FAN1: variants seen among roughly 807,000 people sequenced by gnomAD.
FAN1 encodes FANCD2 and FANCI associated nuclease 1.
In FAN1, 91 loss-of-function variants were observed where a neutral mutation model predicts 104.9. The observed-to-expected ratio is 0.87, with a 90% CI of 0.73 to 1.03. The LOEUF is 1.03. Among genes scored for constraint, FAN1 ranks in the 50% least tolerant of loss-of-function variants. The probability of loss-of-function intolerance (pLI) is 0.00; values close to 1 mark genes in which losing one functional copy is unlikely to be tolerated. For synonymous variants in FAN1, 478 were observed against 457.6 expected (o/e 1.04, Z -0.57); for missense variants, 1,263 against 1,239.9 (o/e 1.02, Z -0.28).
chr15:30,918,189 A>C lies in FAN1; in HGVS notation c.1837A>C (p.Ser613Arg). ...IRYAAATHML[S>R]DISSAMANGN... ...ATATGCAGCAGCCACGCACATGCTG[A>C]GTGACATTTCTTCCGCAATGGCCAA... Residue 613 changes from serine (S) to arginine (R), a missense_variant, in exon 6 of 15, where the codon AGT becomes CGT. Ser to Arg is a moderately radical substitution (Grantham distance 110). Around this residue, in one of 2 missense-constraint regions of FAN1, gnomAD observed 581 missense variants for 668.8 expected, o/e 0.87. Transcript: ENST00000362065. 3 of 1,614,026 alleles carry C rather than the reference A, an allele frequency of 1.9e-6. No individual in the cohort carries two copies. Among genetic ancestry groups the C allele is most frequent in the Non-Finnish European group, 2.5e-6 (3 of 1,179,986 alleles).
Position 30,905,314 on chromosome 15 carries a change from AT to A in FAN1, c.652del (p.Cys218ValfsTer4), listed in dbSNP as rs771480956. 4 of 1,613,950 alleles carry A rather than the reference AT, an allele frequency of 2.5e-6. No homozygotes were observed. In the African/African-American group the frequency reaches 5.3e-5, roughly 22 times the overall value. On this transcript the variant is annotated frameshift_variant, in exon 2 of 15. Coordinates refer to ENST00000362065, the MANE Select transcript of FAN1 (RefSeq NM_014967.5). LOFTEE classifies it high-confidence loss of function. ...GTTCTCAAAAAGAAAACGTGTTTAA[AT>A]GTGATTCTCTAAAGGAAGAGTGCAT... Reference protein sequence around the residue: ...NSSQKENVFKCDSLKEECIPE... With the variant: ...NSSQKENVFKXDSLKEECIPE...
chr15:30,920,578 T>A lies in FAN1; in HGVS notation c.1977T>A (p.Cys659Ter). 6.2e-7 allele frequency: 1 copy of A among 1,612,322 alleles called. No individual in the cohort carries two copies. The highest frequency in any genetic ancestry group is 1.3e-5 in the African/African-American group (1 of 75,000). ...CHEDLPLFLR[C>*]FTVGWIYTRI... ...AAGATTTACCACTCTTCCTGCGGTG[T>A]TTCACTGTTGGGTGGATTTATACAA... Residue 659 changes from cysteine (C) to a stop codon, truncating the protein, a stop_gained, in exon 7 of 15, where the codon TGT (cysteine) becomes TGA (stop). Coordinates refer to ENST00000362065, the MANE Select transcript of FAN1 (RefSeq NM_014967.5). LOFTEE classifies it high-confidence loss of function.
chr15:30,929,292 C>G lies in FAN1; in HGVS notation c.2682C>G (p.Pro894=). The G allele has an allele frequency of 6.2e-7, 1 of 1,612,976 alleles. No individual in the cohort carries two copies. The highest frequency in any genetic ancestry group is 8.5e-7 in the Non-Finnish European group (1 of 1,179,584). ...GGCTGCAGCTGATTCATGATGCCCC[C>G]GAGGAGAGCCTGCGGGCCTGGGTGG... ...EARLQLIHDA[P]EESLRAWVAA... is the part of the protein sequence containing the mutation. Residue 894 remains proline (P), a synonymous_variant, in exon 12 of 15, where the codon CCC becomes CCG. Coordinates refer to ENST00000362065, the MANE Select transcript of FAN1 (RefSeq NM_014967.5).
At chr15:30,923,552 C>T (rs907210473) in intron 8 of FAN1, among the ~76,000 whole-genome samples, 1 of 152,146 alleles carries the variant, frequency 6.6e-6, no homozygotes, top group African/African-American at 2.4e-5. Flanking sequence ...TGATCTTTAC[C>T]TCAGTCTCCA....
intron 8 of FAN1, among the ~76,000 whole-genome samples, chr15:30,924,037 T>TG: frequency 6.6e-6 from 1 of 152,300 alleles, no homozygotes; most frequent in Non-Finnish European, 1.5e-5. Flanking sequence ...TCTCATCTAC[T>TG]TTTTGTGTCT....
intron 4 of FAN1, among the ~76,000 whole-genome samples, chr15:30,912,888 A>G (rs1025970286): frequency 5.9e-5 from 9 of 152,170 alleles, no homozygotes; most frequent in Admixed American, 4.6e-4. Context: ...AAACCCTGCT[A>G]TTGATGGTGT....
chr15:30,909,451 G>A (rs2140906515), intron 3 of FAN1, among the ~76,000 whole-genome samples: 1 of 152,328 alleles, frequency 6.6e-6, no homozygotes, highest in Admixed American at 6.5e-5. Context: ...GGGTCACCTG[G>A]GAACTTGATA....
intron 12 of FAN1, among the ~76,000 whole-genome samples, chr15:30,929,630 TTATACAA>T (rs1356197666): frequency 1.6e-5 from 2 of 122,954 alleles, no homozygotes; most frequent in South Asian, 2.2e-4. Context: ...ATATTATATA[TTATACAA>T]TATACAATAT....
chr15:30,922,474 ATTC>A, intron 8 of FAN1, 120 bp downstream of exon 8: 1 of 1,066,844 alleles, frequency 9.4e-7, no homozygotes, highest in Non-Finnish European at 1.4e-6. Context: ...TTTTGTTAAC[ATTC>A]TTCTTTTGTC....
chr15:30,940,111 A>AT (rs1432275944), intron 14 of FAN1: 2 of 985,218 alleles, frequency 2.0e-6, no homozygotes, highest in Non-Finnish European at 2.4e-6. Context: ...AAAATTTTCC[A>AT]TATCTTAGGA....
intron 11 of FAN1, 35 bp downstream of exon 11, chr15:30,928,691 T>C (rs1366530055): frequency 6.2e-7 from 1 of 1,613,048 alleles, no homozygotes; most frequent in South Asian, 1.1e-5. Flanking sequence ...AGTAGGTCCT[T>C]CTGCACACAT....
intron 11 of FAN1, chr15:30,928,913 C>G: frequency 1.9e-6 from 1 of 518,136 alleles, no homozygotes; most frequent in Non-Finnish European, 2.5e-6. Flanking sequence ...CAGCATCAGC[C>G]CTCCCGAGCA....
Position 30,911,227 on chromosome 15 carries a change from C to A in FAN1, c.1577+412C>A, listed in dbSNP as rs577833532. 5.0e-6 allele frequency: 5 copies of A among 992,788 alleles called. No homozygotes were observed. In the East Asian group the frequency reaches 4.4e-4, roughly 87 times the overall value. The allele number at this position is 992,788 out of a possible 1,614,324, so 61.5% of individuals were successfully genotyped here. A position where few individuals can be genotyped will look rare whatever the true frequency, so the allele number is the denominator to read the frequency against. On this transcript the variant is annotated intron_variant, in intron 4 of 14. Transcript: ENST00000362065. ...TCCTGAGTTTAAACGTAACAATTTA[C>A]CAAAAACTGTGAGTGGCTTCTTTTG...
chr15:30,908,259 G>C lies in FAN1; in HGVS notation c.1375+1G>C. 3 of 1,592,440 alleles carry C rather than the reference G, an allele frequency of 1.9e-6. No individual in the cohort carries two copies. Among genetic ancestry groups the C allele is most frequent in the Non-Finnish European group, 2.6e-6 (3 of 1,171,644 alleles). On this transcript the variant is annotated splice_donor_variant, in intron 3 of 14. Coordinates refer to ENST00000362065, the MANE Select transcript of FAN1 (RefSeq NM_014967.5). LOFTEE classifies it high-confidence loss of function. ...ACGAATGCAGGCTTTCTACAGACAG[G>C]TATGACTAGTAGAAGGAGATGTGAA...
At chr15:30,914,392 A>G (rs1275614151) in intron 5 of FAN1, among the ~76,000 whole-genome samples, 6 of 152,084 alleles carry the variant, frequency 3.9e-5, no homozygotes, top group Non-Finnish European at 7.4e-5. Context: ...TCTTAATTTG[A>G]GACAGGATTT....
Position 30,905,500 on chromosome 15 carries a change from A to G in FAN1, c.837A>G (p.Ser279=), listed in dbSNP as rs750964565. The G allele has an allele frequency of 3.5e-5, 56 of 1,614,010 alleles. No homozygotes were observed. The highest frequency in any genetic ancestry group is 4.4e-5 in the Non-Finnish European group (52 of 1,179,982). Residue 279 remains serine (S), a synonymous_variant, in exon 2 of 15, where the codon TCA becomes TCG. Transcript: ENST00000362065. The part of the protein sequence containing the change: ...FTLRNTLKST[S]EDSLVKQECI... The stretch of plus-strand genomic sequence containing the variant: ...TTAGGAATACATTAAAGTCTACTTC[A>G]GAAGACAGTCTTGTAAAGCAAGAGT...
rs1178636099 is a variant in FAN1, at chr15:30,932,714, TTC to T, written c.2916+2045_2916+2046del. ...TTAAAGTTGTTTATATTTGTTTCTT[TTC>T]TTTTTTTTTTTTTTTGAGATGGAGT... On this transcript the variant is annotated intron_variant, in intron 13 of 14. Transcript: ENST00000362065. 4.1e-5 allele frequency among the ~76,000 whole-genome samples: 4 copies of T among 97,250 alleles called. No individual in the cohort carries two copies. The East Asian group carries it at 3.1e-3, about 75-fold the overall frequency. The allele number at this position is 97,250 out of a possible 152,430, so 63.8% of individuals were successfully genotyped here.
chr15:30,942,606 C>T lies in FAN1; in HGVS notation c.*1044C>T, dbSNP rs1381999832. ...CAGGCGGCATTCCCTGCCACAGTGG[C>T]GGCTTGAATCATCAAGAAATGGATA... On this transcript the variant is annotated 3_prime_UTR_variant, in exon 15 of 15. Transcript: ENST00000362065. 3 of 391,466 alleles carry T rather than the reference C, an allele frequency of 7.7e-6. No homozygotes were observed. The highest frequency in any genetic ancestry group is 9.0e-6 in the Non-Finnish European group (2 of 221,892). The allele number at this position is 391,466 out of a possible 1,614,324, so 24.2% of individuals were successfully genotyped here.
rs139652225 is a variant in FAN1, at chr15:30,904,372, G to A, written c.-152-140G>A. On this transcript the variant is annotated intron_variant, in intron 1 of 14. Coordinates refer to ENST00000362065, the MANE Select transcript of FAN1 (RefSeq NM_014967.5). ...ACTAAGATCGCGTACAGAGCTTGTC[G>A]GAGGGGCTTGGTCTTCTGTCTCACG... 1,675 of 513,054 alleles carry A rather than the reference G, an allele frequency of 3.3e-3. 27 individuals are homozygous for A. The highest frequency in any genetic ancestry group is 0.028 in the African/African-American group (1,474 of 52,166). The allele number at this position is 513,054 out of a possible 1,614,324, so 31.8% of individuals were successfully genotyped here. A position where few individuals can be genotyped will look rare whatever the true frequency, so the allele number is the denominator to read the frequency against.
Sources: gnomAD v4.1 joint callset for allele counts (sites outside exome capture counted in the v4.1 genomes callset) on GRCh38, gnomAD v4.1.1 for gene constraint, gnomAD v4.1.1 regional missense constraint, MANE v1.5 for transcripts, NCBI Gene and HGNC (gene_info 2026-07-23, HGNC 2026-07-21) for gene names.